Variants in DLC1 observed in about 807,000 individuals in gnomAD.
DLC1 encodes rho GTPase-activating protein 7.
Under a neutral mutation model 140.3 loss-of-function variants are expected in DLC1, and 54 were observed. That is an observed-to-expected ratio of 0.38 (90% CI 0.31 to 0.48). The LOEUF is 0.48. Among genes scored for constraint, DLC1 ranks in the 20% least tolerant of loss-of-function variants. The pLI, the probability that DLC1 is intolerant of heterozygous loss-of-function variation, is 0.96. For missense variants in DLC1, 2,536 were observed against 1,907.0 expected (o/e 1.33, Z -6.14); for synonymous variants, 986 against 728.1 (o/e 1.35, Z -5.70).
intron 5 of DLC1, among the ~76,000 whole-genome samples, chr8:13,188,801 G>GTGTATATATATATATATATATATATGTA (rs1293675412): frequency 2.6e-4 from 19 of 71,888 alleles, no homozygotes; most frequent in Non-Finnish European, 3.9e-4. Flanking sequence ...GTGTGTGTGT[G>GTGTATATATATATATATATATATATGTA]TATATATATA....
intron 1 of DLC1, among the ~76,000 whole-genome samples, chr8:13,503,358 C>T (rs761821728): frequency 5.9e-5 from 9 of 151,830 alleles, no homozygotes; most frequent in Non-Finnish European, 1.0e-4. Context: ...GAGCCATGAT[C>T]GCACCACTGC....
At chr8:13,592,700 C>T (rs183861016) in intron 1 of DLC1, among the ~76,000 whole-genome samples, 1 of 152,162 alleles carries the variant, frequency 6.6e-6, no homozygotes, top group African/African-American at 2.4e-5. Flanking sequence ...ATGAGTCCTG[C>T]CCTTAAGGAA....
At chr8:13,333,760 CCTT>C (rs1388874713) in intron 4 of DLC1, among the ~76,000 whole-genome samples, 1 of 152,184 alleles carries the variant, frequency 6.6e-6, no homozygotes, top group Non-Finnish European at 1.5e-5. Flanking sequence ...GACACATTCT[CCTT>C]CTTTACCTAA....
At chr8:13,390,020 A>C (rs771353048) in intron 4 of DLC1, among the ~76,000 whole-genome samples, 1 of 152,194 alleles carries the variant, frequency 6.6e-6, no homozygotes, top group African/African-American at 2.4e-5. Context: ...TAAAGTATCT[A>C]GACTGTTATT....
At chr8:13,137,603 GTTT>G (rs36035085) in intron 5 of DLC1, among the ~76,000 whole-genome samples, 1 of 134,374 alleles carries the variant, frequency 7.4e-6, no homozygotes, top group African/African-American at 2.8e-5. Context: ...TTTTGGTTTT[GTTT>G]TTTTTTTTTT....
chr8:13,324,572 CA>C (rs5889431), intron 4 of DLC1, among the ~76,000 whole-genome samples: 31 of 110,230 alleles, frequency 2.8e-4, no homozygotes, highest in African/African-American at 3.6e-4. Context: ...GACTCCGTCT[CA>C]AAAAAAAAAA....
intron 5 of DLC1, among the ~76,000 whole-genome samples, chr8:13,267,219 C>A (rs184562725): frequency 6.6e-6 from 1 of 152,126 alleles, no homozygotes; most frequent in African/African-American, 2.4e-5. Context: ...TGATGGCATA[C>A]TTTTAGACCT....
intron 5 of DLC1, among the ~76,000 whole-genome samples, chr8:13,282,649 T>C (rs965937783): frequency 3.3e-5 from 5 of 152,200 alleles, no homozygotes; most frequent in Non-Finnish European, 7.3e-5. Flanking sequence ...TTCTTTCTTT[T>C]ATCCTTTCAT....
Position 13,261,346 on chromosome 8 carries a change from G to A in DLC1, c.1348+43923C>T, listed in dbSNP as rs545676132. On this transcript the variant is annotated intron_variant, in intron 5 of 17. Transcript: ENST00000276297. ...TCATGAACAGCAAAGAGGCCAGAGT[G>A]TATAGAATGGGAAAGGATAGAAGAA... Among the ~76,000 whole-genome samples the A allele has an allele frequency of 4.0e-4, 56 of 140,732 alleles. No homozygotes were observed. In the South Asian group the frequency reaches 1.0e-2, roughly 25 times the overall value. The allele number at this position is 140,732 out of a possible 152,430, so 92.3% of individuals were successfully genotyped here.
chr8:13,258,414 T>G (rs1172286174), intron 5 of DLC1, among the ~76,000 whole-genome samples: 2 of 152,208 alleles, frequency 1.3e-5, no homozygotes, highest in African/African-American at 2.4e-5. Context: ...AGAATTTAGA[T>G]TTTTGTTTCT....
intron 5 of DLC1, among the ~76,000 whole-genome samples, chr8:13,191,890 T>C (rs1585879426): frequency 6.6e-6 from 1 of 151,654 alleles, no homozygotes; most frequent in East Asian, 1.9e-4. Context: ...TCTCGTCTCC[T>C]TTTCTATTAA....
At chr8:13,573,452 C>T (rs1298628776) in intron 1 of DLC1, among the ~76,000 whole-genome samples, 1 of 152,114 alleles carries the variant, frequency 6.6e-6, no homozygotes, top group Non-Finnish European at 1.5e-5. Context: ...GCCTTTCTAT[C>T]TTTGCATAAT....
At chr8:13,456,243 T>A (rs1554523636) in intron 2 of DLC1, among the ~76,000 whole-genome samples, 1 of 152,190 alleles carries the variant, frequency 6.6e-6, no homozygotes, top group Non-Finnish European at 1.5e-5. Context: ...GCTGTATGAT[T>A]TCTCTGTATT....
At chr8:13,555,018 G>T (rs765900030) in intron 1 of DLC1, among the ~76,000 whole-genome samples, 9 of 152,140 alleles carry the variant, frequency 5.9e-5, no homozygotes, top group Non-Finnish European at 1.3e-4. Flanking sequence ...GTCTCTTTCT[G>T]TTCTCTCAGT....
chr8:13,166,926 A>G (rs1825146822), intron 5 of DLC1, among the ~76,000 whole-genome samples: 1 of 152,148 alleles, frequency 6.6e-6, no homozygotes, highest in South Asian at 2.1e-4. Flanking sequence ...TGGAGGTGGC[A>G]GAAAAAGAAG....
In DLC1 at chr8:13,499,971, C is replaced by T. The variant is rs1563401799; in HGVS notation, c.101G>A (p.Gly34Glu). Residue 34 changes from glycine (G) to glutamate (E), a missense_variant, in exon 2 of 18, where the codon GGA becomes GAA. Coordinates refer to ENST00000276297, the MANE Select transcript of DLC1 (RefSeq NM_182643.3). ...SDDRNTACHH[G>E]LVADSLQASM... The stretch of plus-strand genomic sequence containing the variant: ...TGCCTGCAAGCTGTCAGCTACTAGT[C>T]CATGATGACATGCTGTGTTACGATC... 26 of 1,614,072 alleles carry T rather than the reference C, an allele frequency of 1.6e-5. No homozygotes were observed. Among genetic ancestry groups the T allele is most frequent in the Non-Finnish European group, 2.1e-5 (25 of 1,179,958 alleles).
At chr8:13,169,397 G>T (rs1825309734) in intron 5 of DLC1, among the ~76,000 whole-genome samples, 1 of 152,176 alleles carries the variant, frequency 6.6e-6, no homozygotes, top group Non-Finnish European at 1.5e-5. Flanking sequence ...GTAAAATGGG[G>T]AAATAATTCC....
chr8:13,590,074 T>TAC (rs1805466238), intron 1 of DLC1, among the ~76,000 whole-genome samples: 1 of 148,090 alleles, frequency 6.8e-6, no homozygotes, highest in African/African-American at 2.5e-5. Flanking sequence ...TATATATATA[T>TAC]ATACAAACAC....
Position 13,363,024 on chromosome 8 carries a change from C to T in DLC1, c.1314+30529G>A, listed in dbSNP as rs572486065. On this transcript the variant is annotated intron_variant, in intron 4 of 17. Coordinates refer to ENST00000276297, the MANE Select transcript of DLC1 (RefSeq NM_182643.3). ...CATTTATTCAGTAATTGTGCATTAC[C>T]CTTCTACTGTGTGCTAGATATGGGC... Among the ~76,000 whole-genome samples, 3 of 152,050 alleles carry T rather than the reference C, an allele frequency of 2.0e-5. No individual in the cohort carries two copies. In the East Asian group the frequency reaches 5.8e-4, roughly 29 times the overall value.
Sources: allele counts gnomAD v4.1 joint callset (sites outside exome capture counted in the v4.1 genomes callset), GRCh38; gene constraint gnomAD v4.1.1; transcripts MANE v1.5; gene names NCBI Gene and HGNC (gene_info 2026-07-23, HGNC 2026-07-21).